CHD1L: variants seen among roughly 807,000 people sequenced by gnomAD.
CHD1L encodes the protein ATP-dependent chromatin remodeler CHD1L.
Under a neutral mutation model 115.9 loss-of-function variants are expected in CHD1L, and 118 were observed. The ratio of observed to expected loss-of-function variants is 1.02; its 90% CI spans 0.88 to 1.19. CHD1L has a LOEUF of 1.19. Among genes scored for constraint, CHD1L ranks in the 50% most tolerant of loss-of-function variants. The probability of loss-of-function intolerance (pLI) is 0.00; values close to 1 mark genes in which losing one functional copy is unlikely to be tolerated. For synonymous variants in CHD1L, 411 were observed against 387.1 expected, an observed-to-expected ratio of 1.06 and a Z score of -0.72; for missense variants, 1,179 against 1,065.3, an observed-to-expected ratio of 1.11 and a Z score of -1.49.
intron 6 of CHD1L, 24 bp from the exon 7 acceptor site, chr1:147,264,393 TTTTTA>T (rs781950139): frequency 2.6e-6 from 4 of 1,538,888 alleles, no homozygotes; most frequent in Admixed American, 2.0e-5. Flanking sequence ...TGTTATGGAA[TTTTTA>T]TTTTATTTAT....
At chr1:147,252,873 C>T (rs1033287453) in intron 2 of CHD1L, 138 bp downstream of exon 2, 2 of 688,450 alleles carry the variant, frequency 2.9e-6, no homozygotes, top group Non-Finnish European at 4.9e-6. Context: ...CTGGCTCTTG[C>T]ACCGGGAAAG....
the CHD1L span, among the ~76,000 whole-genome samples, chr1:147,235,069 T>C: frequency 6.8e-6 from 1 of 146,308 alleles, no homozygotes; most frequent in African/African-American, 2.5e-5. Context: ...GAGCCCACCA[T>C]GGAGTAGATA....
At chr1:147,181,125 C>T in the CHD1L span, among the ~76,000 whole-genome samples, 1 of 152,298 alleles carries the variant, frequency 6.6e-6, no homozygotes, top group East Asian at 1.9e-4. Context: ...GAACAAGTCT[C>T]TCATACAGAA....
At chr1:147,181,557 A>G in the CHD1L span, among the ~76,000 whole-genome samples, 1 of 152,252 alleles carries the variant, frequency 6.6e-6, no homozygotes, top group Non-Finnish European at 1.5e-5. Flanking sequence ...GCAGTAATCA[A>G]CTAGAAAGGT....
At chr1:147,179,844 T>G in the CHD1L span, among the ~76,000 whole-genome samples, 7 of 152,048 alleles carry the variant, frequency 4.6e-5, no homozygotes, top group African/African-American at 1.7e-4. Flanking sequence ...TTGGGAAAAA[T>G]TATTGGTGTT....
chr1:147,272,283 T>C lies in CHD1L; in HGVS notation c.1270+2T>C. 1 of 1,603,406 alleles carries C rather than the reference T, an allele frequency of 6.2e-7. No individual in the cohort carries two copies. Among genetic ancestry groups the C allele is most frequent in the East Asian group, 2.2e-5 (1 of 44,836 alleles). ...TTTTTCTCCTGAGTACTAGGGCAGG[T>C]AGGCTGCAAAGGCATTGATGGAAAC... On this transcript the variant is annotated splice_donor_variant, in intron 12 of 22. Transcript: ENST00000369258. LOFTEE classifies it high-confidence loss of function.
the CHD1L span, chr1:147,178,198 G>C: frequency 3.7e-6 from 6 of 1,612,750 alleles, no homozygotes; most frequent in Non-Finnish European, 5.1e-6. Flanking sequence ...CGACGTGCTA[G>C]GACTCAGGGA....
the CHD1L span, among the ~76,000 whole-genome samples, chr1:147,233,451 G>A: frequency 1.3e-4 from 15 of 117,250 alleles, no homozygotes; most frequent in South Asian, 2.8e-4. Context: ...CCGGCCAGCC[G>A]CCCCGTCCGG....
chr1:147,190,204 G>A, the CHD1L span: 1 of 1,611,494 alleles, frequency 6.2e-7, no homozygotes, highest in African/African-American at 1.3e-5. Context: ...TTGAGCTTTA[G>A]ATATTTCTGC....
At chr1:147,185,824 C>T in the CHD1L span, among the ~76,000 whole-genome samples, 21 of 152,300 alleles carry the variant, frequency 1.4e-4, no homozygotes, top group Non-Finnish European at 2.4e-4. Flanking sequence ...GATGAGAAAA[C>T]AGAATCATCA....
rs1553966995 is a variant in CHD1L at position 147,287,633 on chromosome 1, A to G, written c.2222-2A>G. The G allele has an allele frequency of 6.2e-7, 1 of 1,612,278 alleles. No individual in the cohort carries two copies. The highest frequency in any genetic ancestry group is 1.1e-5 in the South Asian group (1 of 90,804). ...ATGAAAATTTTCTCTTTCTTCAAAC[A>G]GATGACTCTGGCCACTGGGGCAGAG... On this transcript the variant is annotated splice_acceptor_variant, in intron 18 of 22. Transcript: ENST00000369258. LOFTEE classifies it high-confidence loss of function.
chr1:147,173,379 A>G, the CHD1L span: 3 of 152,296 alleles, frequency 2.0e-5, no homozygotes, highest in Non-Finnish European at 2.9e-5. Flanking sequence ...GTCGCAGGGA[A>G]GAATTCAAGA....
intron 15 of CHD1L, among the ~76,000 whole-genome samples, chr1:147,281,635 A>G (rs1210295181): frequency 3.9e-5 from 6 of 152,084 alleles, no homozygotes; most frequent in Non-Finnish European, 8.8e-5. Flanking sequence ...TTCTCTGCTT[A>G]TTGTTTTAAT....
At chr1:147,270,774 A>T (rs1464338544) in intron 10 of CHD1L, 158 bp from the exon 11 acceptor site, 3 of 609,452 alleles carry the variant, frequency 4.9e-6, no homozygotes, top group Non-Finnish European at 8.7e-6. Flanking sequence ...CATAGAAAGC[A>T]TTTGGAGGTT....
the CHD1L span, among the ~76,000 whole-genome samples, chr1:147,197,086 G>A: frequency 6.6e-6 from 1 of 152,080 alleles, no homozygotes; most frequent in Non-Finnish European, 1.5e-5. Context: ...GCAAACTCTT[G>A]ATATTGCCTG....
the CHD1L span, among the ~76,000 whole-genome samples, chr1:147,176,613 T>C: frequency 0.037 from 5,604 of 152,268 alleles, 149 homozygotes; most frequent in South Asian, 0.095. Flanking sequence ...TAAATAGATA[T>C]GGTGTATAGT....
chr1:147,183,802 G>A, the CHD1L span, among the ~76,000 whole-genome samples: 2 of 152,158 alleles, frequency 1.3e-5, no homozygotes, highest in Non-Finnish European at 2.9e-5. Flanking sequence ...TAGGCAATCT[G>A]GAGGTTGTTT....
chr1:147,183,164 C>T, the CHD1L span, among the ~76,000 whole-genome samples: 1 of 152,182 alleles, frequency 6.6e-6, no homozygotes, highest in South Asian at 2.1e-4. Flanking sequence ...CGTCACTGCA[C>T]TCCAGCCTGG....
chr1:147,186,774 T>G, the CHD1L span: 41 of 1,469,942 alleles, frequency 2.8e-5, no homozygotes, highest in Non-Finnish European at 3.7e-5. Flanking sequence ...AGTGAATTAA[T>G]GCTTTCGAAA....
Sources: gnomAD v4.1 joint callset for allele counts (sites outside exome capture counted in the v4.1 genomes callset) on GRCh38, gnomAD v4.1.1 for gene constraint, MANE v1.5 for transcripts, NCBI Gene and HGNC (gene_info 2026-07-23, HGNC 2026-07-21) for gene names.